Variants in SUGCT observed in about 807,000 individuals in gnomAD.
The protein encoded by SUGCT is succinyl-CoA:glutarate CoA-transferase.
Under a neutral mutation model 55.0 loss-of-function variants are expected in SUGCT, and 41 were observed. The ratio of observed to expected loss-of-function variants is 0.74; its 90% CI spans 0.58 to 0.97. The LOEUF (loss-of-function observed/expected upper bound fraction) is 0.97. Among genes scored for constraint, SUGCT ranks in the 50% least tolerant of loss-of-function variants. SUGCT has a pLI of 0.00. For synonymous variants in SUGCT, 187 were observed against 200.4 expected (o/e 0.93, Z 0.56); for missense variants, 568 against 547.8 (o/e 1.04, Z -0.37).
At chr7:40,730,157 G>T (rs1271568047) in intron 12 of SUGCT, among the ~76,000 whole-genome samples, 2 of 152,186 alleles carry the variant, frequency 1.3e-5, no homozygotes, top group South Asian at 2.1e-4. Flanking sequence ...GCCCAGGCTG[G>T]AGTGCAATCG....
At chr7:40,278,193 C>T (rs1331018568) in intron 8 of SUGCT, among the ~76,000 whole-genome samples, 1 of 152,094 alleles carries the variant, frequency 6.6e-6, no homozygotes, top group Non-Finnish European at 1.5e-5. Flanking sequence ...CATCATTGGC[C>T]ATCAGAGAAA....
At chr7:40,787,314 T>C (rs1790060788) in intron 13 of SUGCT, among the ~76,000 whole-genome samples, 1 of 152,110 alleles carries the variant, frequency 6.6e-6, no homozygotes, top group African/African-American at 2.4e-5. Flanking sequence ...GTAAGCCCTG[T>C]GTACTCTTTC....
At chr7:40,952,673 T>G in the SUGCT span, among the ~76,000 whole-genome samples, 9 of 152,232 alleles carry the variant, frequency 5.9e-5, no homozygotes, top group Non-Finnish European at 1.2e-4. Context: ...TCTCAGTGTT[T>G]GCTTGTCCGT....
intron 11 of SUGCT, among the ~76,000 whole-genome samples, chr7:40,466,890 A>G (rs1426612810): frequency 6.6e-6 from 1 of 152,186 alleles, no homozygotes. Context: ...AAATACCTAC[A>G]TCACAAAGAG....
intron 12 of SUGCT, among the ~76,000 whole-genome samples, chr7:40,609,456 A>AC (rs944262051): frequency 2.6e-5 from 4 of 151,540 alleles, no homozygotes; most frequent in African/African-American, 9.7e-5. Context: ...CGTCCCAGCT[A>AC]CTTGGGAGGC....
rs557530407 is a variant in SUGCT at position 40,780,713 on chromosome 7, A to T, written c.1153+31216A>T. Among the ~76,000 whole-genome samples the T allele has an allele frequency of 2.0e-5, 3 of 151,106 alleles. No individual in the cohort carries two copies. In the East Asian group the frequency reaches 5.8e-4, roughly 29 times the overall value. On this transcript the variant is annotated intron_variant, in intron 13 of 13. Coordinates refer to ENST00000335693, the MANE Select transcript of SUGCT (RefSeq NM_001193313.2). The stretch of plus-strand genomic sequence containing the variant: ...TAATAGGACTTGGCAGGAAGAAAAA[A>T]TTGGCAGGACTTGGAGTTCCTAGTG...
At chr7:40,702,901 C>A (rs761692090) in intron 12 of SUGCT, among the ~76,000 whole-genome samples, 3 of 152,112 alleles carry the variant, frequency 2.0e-5, no homozygotes, top group African/African-American at 7.2e-5. Flanking sequence ...GCCCACAAAG[C>A]GTGCAAGAAT....
chr7:40,380,697 A>T (rs1369264637), intron 9 of SUGCT, among the ~76,000 whole-genome samples: 1 of 152,214 alleles, frequency 6.6e-6, no homozygotes, highest in Non-Finnish European at 1.5e-5. Flanking sequence ...CATGAAAGGA[A>T]CTGAAAGTTG....
chr7:41,009,569 C>T, the SUGCT span, among the ~76,000 whole-genome samples: 10 of 152,004 alleles, frequency 6.6e-5, no homozygotes, highest in Middle Eastern at 3.4e-3. Flanking sequence ...ATCCTTCCTT[C>T]CATCCACCAT....
At chr7:40,365,398 G>A (rs1411136948) in intron 9 of SUGCT, among the ~76,000 whole-genome samples, 2 of 151,162 alleles carry the variant, frequency 1.3e-5, no homozygotes, top group African/African-American at 4.8e-5. Context: ...ACATAGTGTT[G>A]GAAGTTCTGG....
intron 13 of SUGCT, among the ~76,000 whole-genome samples, chr7:40,837,052 A>G (rs1397862220): frequency 1.3e-5 from 2 of 152,184 alleles, no homozygotes; most frequent in Non-Finnish European, 2.9e-5. Flanking sequence ...TTATATCCCC[A>G]ACAGCAATGT....
intron 13 of SUGCT, among the ~76,000 whole-genome samples, chr7:40,842,264 A>G (rs1793315169): frequency 2.0e-5 from 3 of 152,310 alleles, no homozygotes; most frequent in Admixed American, 1.3e-4. Flanking sequence ...TTACAGTCTC[A>G]TAGAAATAAG....
intron 12 of SUGCT, among the ~76,000 whole-genome samples, chr7:40,650,180 G>T (rs1363465229): frequency 2.0e-5 from 3 of 152,198 alleles, no homozygotes; most frequent in Non-Finnish European, 4.4e-5. Context: ...CAGTTTTGCA[G>T]GTGACAACAT....
intron 8 of SUGCT, among the ~76,000 whole-genome samples, chr7:40,277,897 T>C (rs904348314): frequency 2.0e-5 from 3 of 152,050 alleles, no homozygotes; most frequent in African/African-American, 7.2e-5. Flanking sequence ...CTCCATGTGT[T>C]GTCATTGTTC....
At chr7:40,516,863 G>A (rs886395356) in intron 12 of SUGCT, among the ~76,000 whole-genome samples, 3 of 151,928 alleles carry the variant, frequency 2.0e-5, no homozygotes, top group African/African-American at 7.3e-5. Context: ...TTTCTTGTAA[G>A]AATCCAGCTG....
intron 10 of SUGCT, among the ~76,000 whole-genome samples, chr7:40,451,529 A>G (rs1372303449): frequency 6.6e-6 from 1 of 152,110 alleles, no homozygotes; most frequent in Non-Finnish European, 1.5e-5. Context: ...GGCACACTTG[A>G]CCTTGATTTT....
At chr7:40,801,379 A>T (rs954022973) in intron 13 of SUGCT, among the ~76,000 whole-genome samples, 4 of 152,148 alleles carry the variant, frequency 2.6e-5, no homozygotes, top group Non-Finnish European at 4.4e-5. Context: ...ATCTTGTTAG[A>T]GATTTGTGCC....
chr7:40,841,251 A>G (rs1157069937), intron 13 of SUGCT, among the ~76,000 whole-genome samples: 1 of 152,102 alleles, frequency 6.6e-6, no homozygotes, highest in Non-Finnish European at 1.5e-5. Flanking sequence ...TTCATTCATC[A>G]ATAACTTTTT....
the SUGCT span, among the ~76,000 whole-genome samples, chr7:40,866,813 T>G: frequency 6.6e-6 from 1 of 152,114 alleles, no homozygotes; most frequent in South Asian, 2.1e-4. Context: ...CAAGACTTGC[T>G]AAGTGAATCG....
Sources: gnomAD v4.1 joint callset for allele counts (sites outside exome capture counted in the v4.1 genomes callset) on GRCh38, gnomAD v4.1.1 for gene constraint, MANE v1.5 for transcripts, NCBI Gene and HGNC (gene_info 2026-07-23, HGNC 2026-07-21) for gene names.